Variants in MIPOL1 observed in about 807,000 individuals in gnomAD.
MIPOL1 encodes mirror-image polydactyly 1, also known as mirror-image polydactyly gene 1 protein.
In MIPOL1, 57 loss-of-function variants were observed where a neutral mutation model predicts 60.9. That is an observed-to-expected ratio of 0.94 (90% CI 0.76 to 1.17). The LOEUF (loss-of-function observed/expected upper bound fraction) is 1.17. MIPOL1 is among the 50% of genes most tolerant of loss of function. The pLI, the probability that MIPOL1 is intolerant of heterozygous loss-of-function variation, is 0.00. For synonymous variants in MIPOL1, 179 were observed against 168.8 expected, an observed-to-expected ratio of 1.06 and a Z score of -0.47; for missense variants, 551 against 511.6, an observed-to-expected ratio of 1.08 and a Z score of -0.74.
chr14:37,392,670 C>G (rs561459766), intron 10 of MIPOL1, among the ~76,000 whole-genome samples: 1 of 152,128 alleles, frequency 6.6e-6, no homozygotes, highest in Non-Finnish European at 1.5e-5. Context: ...TTGTAAATAT[C>G]CTTTATCCCT....
chr14:37,378,585 T>C (rs2092838970), intron 10 of MIPOL1, among the ~76,000 whole-genome samples: 1 of 151,486 alleles, frequency 6.6e-6, no homozygotes, highest in African/African-American at 2.4e-5. Flanking sequence ...TGTATTCCCA[T>C]TGTGGTGATA....
intron 9 of MIPOL1, among the ~76,000 whole-genome samples, chr14:37,311,694 C>T (rs1428080478): frequency 6.6e-6 from 1 of 152,102 alleles, no homozygotes; most frequent in Non-Finnish European, 1.5e-5. Context: ...AAAAATAGTA[C>T]AATATAGACA....
chr14:37,286,432 A>G (rs527462477), intron 7 of MIPOL1, among the ~76,000 whole-genome samples: 20 of 152,362 alleles, frequency 1.3e-4, no homozygotes, highest in African/African-American at 4.8e-4. Flanking sequence ...GATGTTACAC[A>G]TGATGCTAGT....
chr14:37,246,890 T>TAAA (rs1973277236), intron 1 of MIPOL1, among the ~76,000 whole-genome samples: 3 of 152,094 alleles, frequency 2.0e-5, no homozygotes, highest in Admixed American at 2.0e-4. Context: ...ATTATGGTTT[T>TAAA]AAATAGTATA....
At chr14:37,404,082 G>GT (rs1442425993) in intron 10 of MIPOL1, among the ~76,000 whole-genome samples, 1 of 151,928 alleles carries the variant, frequency 6.6e-6, no homozygotes, top group African/African-American at 2.4e-5. Context: ...TGTAATTAAT[G>GT]GTATTTTATC....
intron 11 of MIPOL1, among the ~76,000 whole-genome samples, chr14:37,449,856 A>C (rs2153573673): frequency 6.6e-6 from 1 of 152,146 alleles, no homozygotes; most frequent in African/African-American, 2.4e-5. Flanking sequence ...TCTGTTGCCC[A>C]GGCTGGAGTG....
chr14:37,428,300 A>G (rs776701000), intron 11 of MIPOL1, among the ~76,000 whole-genome samples: 1 of 152,150 alleles, frequency 6.6e-6, no homozygotes, highest in Admixed American at 6.5e-5. Flanking sequence ...CTTTCCTTTG[A>G]TTTTACTAAT....
At chr14:37,428,445 G>A (rs992230205) in intron 11 of MIPOL1, among the ~76,000 whole-genome samples, 1 of 152,042 alleles carries the variant, frequency 6.6e-6, no homozygotes, top group Non-Finnish European at 1.5e-5. Context: ...ACAAAATTTA[G>A]CAAGGCATGG....
intron 9 of MIPOL1, among the ~76,000 whole-genome samples, chr14:37,359,745 T>C (rs959668384): frequency 6.6e-6 from 1 of 152,232 alleles, no homozygotes; most frequent in Non-Finnish European, 1.5e-5. Context: ...GATGGGGTTT[T>C]CTAAATATAC....
intron 1 of MIPOL1, among the ~76,000 whole-genome samples, chr14:37,214,451 G>A (rs963733455): frequency 2.6e-5 from 4 of 152,048 alleles, no homozygotes; most frequent in South Asian, 2.1e-4. Flanking sequence ...CATTGTGGGC[G>A]GCAAGCCACC....
chr14:37,224,356 C>T (rs910280625), intron 1 of MIPOL1, among the ~76,000 whole-genome samples: 4 of 152,090 alleles, frequency 2.6e-5, no homozygotes, highest in African/African-American at 9.7e-5. Flanking sequence ...AGTCCACTTT[C>T]ATGCTGCTGA....
chr14:37,229,334 C>T (rs189259006), intron 1 of MIPOL1, among the ~76,000 whole-genome samples: 7 of 152,134 alleles, frequency 4.6e-5, no homozygotes, highest in Middle Eastern at 3.4e-3. Flanking sequence ...TTTGTAGAGA[C>T]GAGATTTTGC....
intron 11 of MIPOL1, among the ~76,000 whole-genome samples, chr14:37,474,939 G>A (rs1204891799): frequency 6.6e-6 from 1 of 151,936 alleles, no homozygotes; most frequent in Non-Finnish European, 1.5e-5. Context: ...AGTGTCTGTT[G>A]AGATCCTTTA....
chr14:37,290,456 C>T (rs1286729670), intron 7 of MIPOL1, among the ~76,000 whole-genome samples: 4 of 152,092 alleles, frequency 2.6e-5, no homozygotes, highest in African/African-American at 9.7e-5. Flanking sequence ...GAACTCCTGA[C>T]TTCAAGTGAT....
chr14:37,512,751 G>T (rs1435937942), intron 12 of MIPOL1, among the ~76,000 whole-genome samples: 1 of 152,004 alleles, frequency 6.6e-6, no homozygotes, highest in African/African-American at 2.4e-5. Context: ...ATAAGTACTT[G>T]TTGATTGAAT....
At chr14:37,425,456 T>A (rs1306562290) in intron 11 of MIPOL1, among the ~76,000 whole-genome samples, 1 of 152,196 alleles carries the variant, frequency 6.6e-6, no homozygotes, top group Non-Finnish European at 1.5e-5. Flanking sequence ...TTGAAAGATA[T>A]GCTTCACAAC....
At chr14:37,297,315 A>G (rs2085830623) in intron 7 of MIPOL1, among the ~76,000 whole-genome samples, 1 of 152,222 alleles carries the variant, frequency 6.6e-6, no homozygotes, top group Non-Finnish European at 1.5e-5. Flanking sequence ...CAAAATAATA[A>G]GAGCTATGTA....
intron 9 of MIPOL1, among the ~76,000 whole-genome samples, chr14:37,363,166 G>A (rs1359639666): frequency 1.3e-5 from 2 of 152,156 alleles, no homozygotes; most frequent in Non-Finnish European, 2.9e-5. Context: ...GTGAGGAGCT[G>A]CGATCCTTTG....
chr14:37,539,812 G>A (rs1234450079), intron 12 of MIPOL1, among the ~76,000 whole-genome samples: 1 of 152,232 alleles, frequency 6.6e-6, no homozygotes, highest in Non-Finnish European at 1.5e-5. Context: ...TTATTATTCA[G>A]CTCCCCATTT....
Sources: gnomAD v4.1 joint callset for allele counts (sites outside exome capture counted in the v4.1 genomes callset) on GRCh38, gnomAD v4.1.1 for gene constraint, MANE v1.5 for transcripts, NCBI Gene and HGNC (gene_info 2026-07-23, HGNC 2026-07-21) for gene names.